The following CDK19 variants were observed in gnomAD, a reference collection of about 807,000 sequenced individuals.
CDK19 encodes the protein cyclin-dependent kinase 19.
In CDK19, 20 loss-of-function variants were observed where a neutral mutation model predicts 68.3. The observed-to-expected ratio is 0.29, with a 90% confidence interval of 0.21 to 0.43. The LOEUF is 0.43. Among genes scored for constraint, CDK19 ranks in the 20% least tolerant of loss-of-function variants. The pLI is 1.00. For missense variants in CDK19, 339 were observed against 623.5 expected, an observed-to-expected ratio of 0.54 and a Z score of 4.86; for synonymous variants, 221 against 222.8, an observed-to-expected ratio of 0.99 and a Z score of 0.07.
At chr6:110,633,673 T>C (rs779095052) in intron 5 of CDK19, among the ~76,000 whole-genome samples, 17 of 152,228 alleles carry the variant, frequency 1.1e-4, no homozygotes, top group Non-Finnish European at 2.2e-4. Flanking sequence ...TCTTAAGATA[T>C]CATAAATAAC....
intron 2 of CDK19, among the ~76,000 whole-genome samples, chr6:110,742,863 A>T (rs1460144749): frequency 2.0e-5 from 3 of 152,132 alleles, no homozygotes; most frequent in Non-Finnish European, 4.4e-5. Context: ...CAGTAATTCT[A>T]ATTTTGCCCT....
chr6:110,679,908 T>C (rs1771868071), intron 2 of CDK19, among the ~76,000 whole-genome samples: 1 of 152,212 alleles, frequency 6.6e-6, no homozygotes, highest in Non-Finnish European at 1.5e-5. Flanking sequence ...CATAAAATGG[T>C]ACCTAGCACA....
chr6:110,802,346 T>C (rs1273425962), intron 1 of CDK19, among the ~76,000 whole-genome samples: 1 of 152,150 alleles, frequency 6.6e-6, no homozygotes, highest in Non-Finnish European at 1.5e-5. Flanking sequence ...TATGCAGCCA[T>C]AAAAAAGAAT....
At chr6:110,623,789 T>C (rs1278859598) in intron 8 of CDK19, among the ~76,000 whole-genome samples, 3 of 146,202 alleles carry the variant, frequency 2.1e-5, no homozygotes, top group Non-Finnish European at 3.0e-5. Context: ...TATATACACA[T>C]ATATACACAC....
intron 2 of CDK19, among the ~76,000 whole-genome samples, chr6:110,711,644 T>C (rs190129186): frequency 6.6e-5 from 10 of 152,326 alleles, no homozygotes; most frequent in Middle Eastern, 3.4e-3. Context: ...AGAATTTATA[T>C]ATGAACTAAT....
chr6:110,815,239 TCTCGCG>T lies in CDK19; in HGVS notation c.-109_-104del. On this transcript the variant is annotated 5_prime_UTR_variant, in exon 1 of 13. Coordinates refer to ENST00000368911, the MANE Select transcript of CDK19 (RefSeq NM_015076.5). The stretch of plus-strand genomic sequence containing the variant: ...CCGCTCCACTTCTCCAACAGCCGCC[TCTCGCG>T]CGCGCGCGCGCGCCGCCCGCCGCCC... 8.7e-7 allele frequency: 1 copy of T among 1,148,834 alleles called. No individual in the cohort carries two copies. Among genetic ancestry groups the T allele is most frequent in the Non-Finnish European group, 1.1e-6 (1 of 913,198 alleles). 71.2% of individuals were successfully genotyped at this position (1,148,834 alleles called of 1,614,324 possible). A position where few individuals can be genotyped will look rare whatever the true frequency, so the allele number is the denominator to read the frequency against.
intron 1 of CDK19, among the ~76,000 whole-genome samples, chr6:110,807,356 A>G (rs1388194593): frequency 6.6e-6 from 1 of 152,170 alleles, no homozygotes; most frequent in East Asian, 1.9e-4. Flanking sequence ...ACATGCACAT[A>G]CCCCAAAAGA....
intron 4 of CDK19, among the ~76,000 whole-genome samples, chr6:110,641,665 G>GGAAGGAAGGAAGGAAGGAAGGAAA (rs1400176958): frequency 6.7e-6 from 1 of 149,178 alleles, no homozygotes; most frequent in African/African-American, 2.5e-5. Context: ...AAGGAAGGAA[G>GGAAGGAAGGAAGGAAGGAAGGAAA]GAAGGAAGGA....
intron 2 of CDK19, among the ~76,000 whole-genome samples, chr6:110,712,083 G>T (rs1774987239): frequency 6.6e-6 from 1 of 152,208 alleles, no homozygotes; most frequent in South Asian, 2.1e-4. Flanking sequence ...CTCTAGGACA[G>T]TGTCTCCCCA....
intron 8 of CDK19, 189 bp from the exon 9 acceptor site, chr6:110,623,551 A>G (rs920366198): frequency 3.1e-6 from 1 of 324,588 alleles, no homozygotes; most frequent in Non-Finnish European, 4.4e-6. Context: ...ACACAACATG[A>G]GAGTTTATAC....
chr6:110,729,895 A>G (rs1169931686), intron 2 of CDK19, among the ~76,000 whole-genome samples: 1 of 152,110 alleles, frequency 6.6e-6, no homozygotes, highest in Non-Finnish European at 1.5e-5. Flanking sequence ...CAGGAGCACA[A>G]TACTGTACCC....
intron 1 of CDK19, among the ~76,000 whole-genome samples, chr6:110,780,667 A>G (rs973627880): frequency 6.6e-6 from 1 of 152,106 alleles, no homozygotes; most frequent in African/African-American, 2.4e-5. Flanking sequence ...AGACATCTCT[A>G]CAACAAATAT....
At chr6:110,775,734 G>A (rs186259159) in intron 1 of CDK19, among the ~76,000 whole-genome samples, 2 of 152,330 alleles carry the variant, frequency 1.3e-5, no homozygotes, top group East Asian at 1.9e-4. Flanking sequence ...TTTATCAGCT[G>A]TTAAATTTAA....
chr6:110,666,424 C>CAA (rs57791161), intron 4 of CDK19, among the ~76,000 whole-genome samples: 1,405 of 47,852 alleles, frequency 0.029, 117 homozygotes, highest in Non-Finnish European at 0.044. Flanking sequence ...GACTCTGTCT[C>CAA]AAAAAAAAAA....
chr6:110,719,972 G>GCCCC (rs1167384607), intron 2 of CDK19, among the ~76,000 whole-genome samples: 1 of 45,518 alleles, frequency 2.2e-5, no homozygotes, highest in African/African-American at 8.3e-5. Context: ...CTTGTGATCC[G>GCCCC]CCCCCCCCCC....
At chr6:110,729,325 G>GA (rs1181067406) in intron 2 of CDK19, among the ~76,000 whole-genome samples, 4 of 152,072 alleles carry the variant, frequency 2.6e-5, no homozygotes, top group African/African-American at 4.8e-5. Flanking sequence ...AGAGGTTACT[G>GA]AAAAAAACTG....
chr6:110,651,228 A>ATCT (rs1209804639), intron 4 of CDK19, among the ~76,000 whole-genome samples: 10 of 108,478 alleles, frequency 9.2e-5, no homozygotes, highest in African/African-American at 3.6e-4. Flanking sequence ...GTTGAAATAG[A>ATCT]TCTACTATCT....
Position 110,815,402 on chromosome 6 carries a change from T to G in CDK19, c.-266A>C. ...GGCACCCCCAGTCCCGCCTCCCTCC[T>G]TCATTTCCTTGTTTTGGAACCTGGT... On this transcript the variant is annotated 5_prime_UTR_variant, in exon 1 of 13. Coordinates refer to ENST00000368911, the MANE Select transcript of CDK19 (RefSeq NM_015076.5). The G allele has an allele frequency of 3.2e-6, 1 of 311,346 alleles. No individual in the cohort carries two copies. Among genetic ancestry groups the G allele is most frequent in the Non-Finnish European group, 5.8e-6 (1 of 171,622 alleles). The allele number at this position is 311,346 out of a possible 1,614,324, so 19.3% of individuals were successfully genotyped here.
intron 2 of CDK19, among the ~76,000 whole-genome samples, chr6:110,679,476 G>A (rs894110764): frequency 5.3e-5 from 8 of 152,232 alleles, no homozygotes; most frequent in African/African-American, 1.9e-4. Context: ...GCCAGGCGTG[G>A]TGGTGGGTGC....
Sources: gnomAD v4.1 joint callset for allele counts (sites outside exome capture counted in the v4.1 genomes callset) on GRCh38, gnomAD v4.1.1 for gene constraint, MANE v1.5 for transcripts, NCBI Gene and HGNC (gene_info 2026-07-23, HGNC 2026-07-21) for gene names.